COL14A1: variants seen among roughly 807,000 people sequenced by gnomAD.
COL14A1 encodes the protein collagen alpha-1(XIV) chain.
A neutral mutation model predicts 230.3 loss-of-function variants in COL14A1; 136 were observed. That is an observed-to-expected ratio of 0.59 (90% CI 0.51 to 0.68). The LOEUF is 0.68. Ranked by LOEUF, COL14A1 falls within the 30% of genes least tolerant of loss-of-function variation. The pLI is 0.00. For synonymous variants in COL14A1, 792 were observed against 784.1 expected (o/e 1.01, Z -0.17); for missense variants, 1,976 against 2,215.8 (o/e 0.89, Z 2.17).
intron 21 of COL14A1, among the ~76,000 whole-genome samples, chr8:120,249,143 C>A (rs183529588): frequency 6.7e-6 from 1 of 148,192 alleles, no homozygotes; most frequent in East Asian, 2.0e-4. Context: ...TGGTCTCGAT[C>A]TCCTGACCTC....
intron 5 of COL14A1, among the ~76,000 whole-genome samples, chr8:120,171,683 C>A (rs1250266143): frequency 6.6e-6 from 1 of 152,164 alleles, no homozygotes; most frequent in Non-Finnish European, 1.5e-5. Flanking sequence ...GCTTCACTGT[C>A]ATCAGCCCAG....
chr8:120,274,440 C>A (rs111848407), intron 26 of COL14A1, among the ~76,000 whole-genome samples: 2 of 151,726 alleles, frequency 1.3e-5, no homozygotes, highest in Non-Finnish European at 2.9e-5. Context: ...TCATTTTCAC[C>A]GCTTCTATTC....
chr8:120,320,569 A>G (rs1206702061), intron 40 of COL14A1, among the ~76,000 whole-genome samples: 1 of 152,182 alleles, frequency 6.6e-6, no homozygotes, highest in Non-Finnish European at 1.5e-5. Flanking sequence ...TTTTATCATA[A>G]ATGTTAAGCA....
chr8:120,313,439 G>C (rs1039621412), intron 37 of COL14A1, among the ~76,000 whole-genome samples: 1 of 152,168 alleles, frequency 6.6e-6, no homozygotes, highest in Non-Finnish European at 1.5e-5. Context: ...AGAAGGTGTA[G>C]TGTGGTGGCA....
chr8:120,356,877 C>A (rs1159387184), intron 45 of COL14A1, among the ~76,000 whole-genome samples: 1 of 152,108 alleles, frequency 6.6e-6, no homozygotes, highest in African/African-American at 2.4e-5. Flanking sequence ...AATTTGAATG[C>A]CCTTCAGAAC....
chr8:120,321,118 G>A (rs994937766), intron 40 of COL14A1, among the ~76,000 whole-genome samples: 1 of 152,136 alleles, frequency 6.6e-6, no homozygotes, highest in Non-Finnish European at 1.5e-5. Context: ...TCTCAAAAGA[G>A]ATATTTAATA....
At chr8:120,215,159 C>T (rs909475073) in intron 13 of COL14A1, among the ~76,000 whole-genome samples, 1 of 152,150 alleles carries the variant, frequency 6.6e-6, no homozygotes. Flanking sequence ...CACCTGAGGT[C>T]AGGAGTTCAA....
chr8:120,141,340 C>T (rs938035318), intron 1 of COL14A1, among the ~76,000 whole-genome samples: 3 of 152,084 alleles, frequency 2.0e-5, no homozygotes, highest in East Asian at 1.9e-4. Flanking sequence ...CCCAGGAGTT[C>T]GAGACTAGCC....
At chr8:120,200,066 T>TATATATATATATATATATATATATATA (rs1817184156) in intron 8 of COL14A1, among the ~76,000 whole-genome samples, 1 of 151,252 alleles carries the variant, frequency 6.6e-6, no homozygotes, top group African/African-American at 2.4e-5. Context: ...TATATATAGA[T>TATATATATATATATATATATATATATA]AGCATACATT....
intron 4 of COL14A1, among the ~76,000 whole-genome samples, chr8:120,166,678 A>G (rs1456730171): frequency 6.6e-6 from 1 of 152,194 alleles, no homozygotes; most frequent in Non-Finnish European, 1.5e-5. Context: ...GAAATTATCT[A>G]TGAAAAGATG....
chr8:120,311,248 G>A (rs1280717659), intron 37 of COL14A1, among the ~76,000 whole-genome samples: 1 of 152,082 alleles, frequency 6.6e-6, no homozygotes, highest in Admixed American at 6.6e-5. Flanking sequence ...GTAGTTGGAG[G>A]CCTCTTCTCA....
chr8:120,210,817 T>C, intron 12 of COL14A1, among the ~76,000 whole-genome samples: 1 of 152,234 alleles, frequency 6.6e-6, no homozygotes, highest in Admixed American at 6.5e-5. Context: ...TGAATCTGAG[T>C]GTCAAGAACA....
chr8:120,225,138 C>T lies in COL14A1; in HGVS notation c.1788C>T (p.Leu596=). The T allele has an allele frequency of 6.2e-7, 1 of 1,612,742 alleles. No homozygotes were observed. The highest frequency in any genetic ancestry group is 8.5e-7 in the Non-Finnish European group (1 of 1,179,522). ...TCCCTCTGAAGGGCTTGACACCTCTCACAGAGTATACTATTGCTATTTTCT... is the reference window on the plus strand; with the variant it reads ...TCCCTCTGAAGGGCTTGACACCTCTTACAGAGTATACTATTGCTATTTTCT... ...TTFPLKGLTP[L]TEYTIAIFSI... The change falls in exon 15 of 48, where the codon CTC becomes CTT. Residue 596 remains leucine, a synonymous_variant. Coordinates refer to ENST00000297848, the MANE Select transcript of COL14A1 (RefSeq NM_021110.4).
At chr8:120,325,481 G>C (rs1821629339) in intron 40 of COL14A1, among the ~76,000 whole-genome samples, 1 of 132,400 alleles carries the variant, frequency 7.6e-6, no homozygotes, top group Non-Finnish European at 1.5e-5. Context: ...TCTGCTGTTT[G>C]TTTGTTTGTT....
At chr8:120,143,356 C>G (rs924420274) in intron 1 of COL14A1, among the ~76,000 whole-genome samples, 2 of 152,140 alleles carry the variant, frequency 1.3e-5, no homozygotes, top group African/African-American at 4.8e-5. Context: ...CAGTGGCTCA[C>G]GCCTGTAAAC....
intron 14 of COL14A1, among the ~76,000 whole-genome samples, chr8:120,218,336 G>T (rs1238432001): frequency 6.8e-6 from 1 of 147,348 alleles, no homozygotes; most frequent in East Asian, 2.0e-4. Context: ...TTGAGATGGA[G>T]TCTCACTTTG....
chr8:120,177,694 C>A (rs1280652833), intron 5 of COL14A1, among the ~76,000 whole-genome samples: 5 of 129,352 alleles, frequency 3.9e-5, no homozygotes, highest in African/African-American at 5.7e-5. Flanking sequence ...TATAAAAAGA[C>A]TATATATATA....
At chr8:120,201,266 T>C (rs528065039) in intron 8 of COL14A1, among the ~76,000 whole-genome samples, 2 of 152,232 alleles carry the variant, frequency 1.3e-5, no homozygotes, top group Non-Finnish European at 2.9e-5. Context: ...AATTAGAACC[T>C]TGTTATTTTG....
intron 5 of COL14A1, among the ~76,000 whole-genome samples, chr8:120,169,722 G>A (rs1319608814): frequency 1.3e-5 from 2 of 151,664 alleles, no homozygotes; most frequent in African/African-American, 4.8e-5. Context: ...GAATTTTGAT[G>A]CATTTCTTGG....
Sources: allele counts gnomAD v4.1 joint callset (sites outside exome capture counted in the v4.1 genomes callset), GRCh38; gene constraint gnomAD v4.1.1; transcripts MANE v1.5; gene names NCBI Gene and HGNC (gene_info 2026-07-23, HGNC 2026-07-21).